Variants in EXOC4 observed in about 807,000 individuals in gnomAD.
The protein encoded by EXOC4 is exocyst complex component 4.
Under a neutral mutation model 107.2 loss-of-function variants are expected in EXOC4, and 71 were observed. That is an observed-to-expected ratio of 0.66 (90% CI 0.55 to 0.81). EXOC4 has a LOEUF of 0.81. EXOC4 is among the 30% of genes least tolerant of loss of function. EXOC4 has a pLI of 0.00. For synonymous variants in EXOC4, 456 were observed against 441.2 expected (o/e 1.03, Z -0.42); for missense variants, 1,108 against 1,189.6 (o/e 0.93, Z 1.01).
rs867457105 is a variant in EXOC4, at chr7:133,853,177, A to G, written c.1734+35633A>G. 4.6e-5 allele frequency among the ~76,000 whole-genome samples: 7 copies of G among 152,264 alleles called. No homozygotes were observed. In the Middle Eastern group the frequency reaches 0.014, roughly 296 times the overall value. ...CTTTGGAACAATGCCATTCTTTAGC[A>G]TGACATGGAGGGTAACTATGTGCTT... is the stretch of plus-strand genomic sequence containing the variant. On this transcript the variant is annotated intron_variant, in intron 11 of 17. Transcript: ENST00000253861.
At chr7:133,741,031 A>G (rs780002285) in intron 10 of EXOC4, among the ~76,000 whole-genome samples, 2 of 152,222 alleles carry the variant, frequency 1.3e-5, no homozygotes, top group Non-Finnish European at 2.9e-5. Context: ...ATACAGGGTA[A>G]ATACTGGAGC....
At chr7:133,389,853 G>T (rs1027069501) in intron 7 of EXOC4, among the ~76,000 whole-genome samples, 1 of 146,870 alleles carries the variant, frequency 6.8e-6, no homozygotes, top group African/African-American at 2.5e-5. Flanking sequence ...ATGGCGGAAC[G>T]CAAGGAGGAG....
chr7:133,561,387 C>A (rs1022017487), intron 9 of EXOC4, among the ~76,000 whole-genome samples: 4 of 152,108 alleles, frequency 2.6e-5, no homozygotes, highest in African/African-American at 9.7e-5. Flanking sequence ...TTTTCTAAGC[C>A]CCTTAATTTA....
intron 10 of EXOC4, among the ~76,000 whole-genome samples, chr7:133,685,279 C>T (rs1480729289): frequency 6.6e-6 from 1 of 152,062 alleles, no homozygotes; most frequent in Non-Finnish European, 1.5e-5. Context: ...GTGGTTTCCC[C>T]CACTCTGTTC....
At chr7:133,836,759 A>G (rs934577706) in intron 11 of EXOC4, among the ~76,000 whole-genome samples, 5 of 152,190 alleles carry the variant, frequency 3.3e-5, no homozygotes, top group Admixed American at 6.5e-5. Context: ...TGAAATCGTC[A>G]GCCTGGATCC....
intron 9 of EXOC4, among the ~76,000 whole-genome samples, chr7:133,587,139 C>G (rs531168677): frequency 7.9e-5 from 12 of 152,000 alleles, no homozygotes; most frequent in Non-Finnish European, 1.2e-4. Context: ...TGGCCCTGAT[C>G]CCATTTTTAT....
At chr7:133,504,152 A>G (rs1799626383) in intron 9 of EXOC4, among the ~76,000 whole-genome samples, 2 of 152,290 alleles carry the variant, frequency 1.3e-5, no homozygotes, top group Admixed American at 6.5e-5. Context: ...TTTGTAATAA[A>G]TGTGAATGAA....
intron 6 of EXOC4, among the ~76,000 whole-genome samples, chr7:133,366,724 A>G (rs1293356231): frequency 6.6e-6 from 1 of 152,084 alleles, no homozygotes; most frequent in East Asian, 1.9e-4. Flanking sequence ...TCATTCCTTT[A>G]TCAACAAATA....
At chr7:133,648,162 TTAAAA>T (rs1585052885) in intron 10 of EXOC4, among the ~76,000 whole-genome samples, 2 of 152,204 alleles carry the variant, frequency 1.3e-5, no homozygotes, top group East Asian at 3.8e-4. Context: ...TTTAATTTAT[TTAAAA>T]GAAAATTGAT....
At chr7:133,604,834 C>T (rs1157720066) in intron 9 of EXOC4, among the ~76,000 whole-genome samples, 1 of 146,970 alleles carries the variant, frequency 6.8e-6, no homozygotes, top group African/African-American at 2.5e-5. Context: ...AGTGTTTCTC[C>T]TGCCTCAGCC....
intron 10 of EXOC4, among the ~76,000 whole-genome samples, chr7:133,714,507 A>C (rs1198545134): frequency 6.6e-6 from 1 of 152,170 alleles, no homozygotes; most frequent in Non-Finnish European, 1.5e-5. Flanking sequence ...TTTTCCATTC[A>C]TATTATAATG....
intron 10 of EXOC4, among the ~76,000 whole-genome samples, chr7:133,677,868 A>G (rs767813899): frequency 5.5e-4 from 84 of 152,122 alleles, no homozygotes; most frequent in Non-Finnish European, 1.0e-3. Flanking sequence ...TGGTAGATAT[A>G]TTTGAGAGAC....
At chr7:133,366,772 C>T (rs1283546406) in intron 6 of EXOC4, among the ~76,000 whole-genome samples, 3 of 152,138 alleles carry the variant, frequency 2.0e-5, no homozygotes, top group Non-Finnish European at 4.4e-5. Context: ...CAATCAGTGT[C>T]ATGCCAAATA....
intron 7 of EXOC4, among the ~76,000 whole-genome samples, chr7:133,459,480 A>G (rs1439193620): frequency 1.3e-5 from 2 of 152,246 alleles, no homozygotes; most frequent in Non-Finnish European, 2.9e-5. Context: ...ATCCAGGTAT[A>G]CAATTAATTT....
At chr7:133,620,767 A>G (rs1802311254) in intron 9 of EXOC4, among the ~76,000 whole-genome samples, 1 of 152,242 alleles carries the variant, frequency 6.6e-6, no homozygotes, top group African/African-American at 2.4e-5. Flanking sequence ...ATATACTCAA[A>G]TAGCCACTAA....
At chr7:133,268,325 A>G (rs1793786321) in intron 1 of EXOC4, among the ~76,000 whole-genome samples, 1 of 152,126 alleles carries the variant, frequency 6.6e-6, no homozygotes, top group Admixed American at 6.5e-5. Flanking sequence ...AGGTAGTAAG[A>G]GACTTTCTTG....
chr7:133,822,996 A>G (rs2151223564), intron 11 of EXOC4, among the ~76,000 whole-genome samples: 1 of 152,304 alleles, frequency 6.6e-6, no homozygotes, highest in South Asian at 2.1e-4. Flanking sequence ...GATTTTGCAA[A>G]GTTGTTTCCA....
chr7:133,530,994 C>A (rs1800172108), intron 9 of EXOC4, among the ~76,000 whole-genome samples: 1 of 152,084 alleles, frequency 6.6e-6, no homozygotes, highest in East Asian at 1.9e-4. Context: ...GTTGGCCTTT[C>A]TGACATCGTG....
At chr7:133,375,086 A>G (rs1349694386) in intron 7 of EXOC4, 84 bp downstream of exon 7, 2 of 1,109,888 alleles carry the variant, frequency 1.8e-6, no homozygotes, top group Non-Finnish European at 2.6e-6. Context: ...CAAGCCACCT[A>G]AAACACTATC....
Sources: allele counts gnomAD v4.1 joint callset (sites outside exome capture counted in the v4.1 genomes callset), GRCh38; gene constraint gnomAD v4.1.1; transcripts MANE v1.5; gene names NCBI Gene and HGNC (gene_info 2026-07-23, HGNC 2026-07-21).